The following KMT2B variants were observed in gnomAD, a reference collection of about 807,000 sequenced individuals.
The protein encoded by KMT2B is histone-lysine N-methyltransferase 2B.
KMT2B carries 22 observed loss-of-function variants against 255.3 expected under a neutral mutation model. That is an observed-to-expected ratio of 0.09 (90% CI 0.06 to 0.12). The LOEUF (loss-of-function observed/expected upper bound fraction) is 0.12. Ranked by LOEUF, KMT2B falls within the 10% of genes least tolerant of loss-of-function variation. KMT2B has a pLI of 1.00. For missense variants in KMT2B, 3,149 were observed against 3,737.0 expected, an observed-to-expected ratio of 0.84 and a Z score of 4.10; for synonymous variants, 1,730 against 1,498.1, an observed-to-expected ratio of 1.15 and a Z score of -3.57.
Position 35,725,872 on chromosome 19 carries a change from C to G in KMT2B, c.3885+54C>G. On this transcript the variant is annotated intron_variant, in intron 13 of 36. Transcript: ENST00000420124. The surrounding 1 kb of genome is among the most constrained non-coding windows in gnomAD (Gnocchi z 4.1). Reference sequence around the variant, plus strand: ...TGTCTCTAATGAATATCACCACCACCCCCAAACTTGCTCTAGGCTGGGGCT... The same window carrying G: ...TGTCTCTAATGAATATCACCACCACGCCCAAACTTGCTCTAGGCTGGGGCT... The G allele has an allele frequency of 7.0e-7, 1 of 1,435,424 alleles. No individual in the cohort carries two copies. The highest frequency in any genetic ancestry group is 9.6e-7 in the Non-Finnish European group (1 of 1,042,090). 88.9% of individuals were successfully genotyped at this position (1,435,424 alleles called of 1,614,324 possible).
At position 35,733,590 on chromosome 19, in the gene KMT2B, C is replaced by G; in HGVS notation, c.6960-7C>G. The G allele has an allele frequency of 6.4e-7, 1 of 1,569,696 alleles. No homozygotes were observed. The highest frequency in any genetic ancestry group is 1.2e-5 in the South Asian group (1 of 85,394). ...GCGGCTCATCCTTCTCGGGCTCGCC[C>G]TCCCAGGTTTAGCCGTGTGAGGATG... On this transcript the variant is annotated splice_region_variant and splice_polypyrimidine_tract_variant and intron_variant, in intron 28 of 36. Coordinates refer to ENST00000420124, the MANE Select transcript of KMT2B (RefSeq NM_014727.3). The surrounding 1 kb of genome is among the most constrained non-coding windows in gnomAD (Gnocchi z 4.3).
chr19:35,718,493 GGA>G lies in KMT2B; in HGVS notation c.363+117_363+118del, dbSNP rs1969048001. 1.9e-5 allele frequency: 22 copies of G among 1,140,734 alleles called. No individual in the cohort carries two copies. Among genetic ancestry groups the G allele is most frequent in the Non-Finnish European group, 2.4e-5 (22 of 912,266 alleles). The allele number at this position is 1,140,734 out of a possible 1,614,324, so 70.7% of individuals were successfully genotyped here. A position where few individuals can be genotyped will look rare whatever the true frequency, so the allele number is the denominator to read the frequency against. ...CAGGCCGGGTCCTCAGGGTTCCTTCGGAGAGACGGGGCACGGAGGGAGGGCGG... is the reference window on the plus strand; with the variant it reads ...CAGGCCGGGTCCTCAGGGTTCCTTCGGAGACGGGGCACGGAGGGAGGGCGG... On this transcript the variant is annotated intron_variant, in intron 1 of 36. Transcript: ENST00000420124. This position sits in a 1 kb window ranked among gnomAD's most constrained non-coding sequence, Gnocchi z 5.0.
rs1220469552 is a variant in KMT2B, at chr19:35,737,393, T to C, written c.7550+130T>C. 2 of 1,073,136 alleles carry C rather than the reference T, an allele frequency of 1.9e-6. No homozygotes were observed. Among genetic ancestry groups the C allele is most frequent in the Admixed American group, 5.9e-5 (2 of 33,678 alleles). 66.5% of individuals were successfully genotyped at this position (1,073,136 alleles called of 1,614,324 possible). ...ACTAGGTCACTTGAAGAGTTATTTC[T>C]AGAGTTAGCCAGGCTCCGTGGCTCA... On this transcript the variant is annotated intron_variant, in intron 33 of 36. Coordinates refer to ENST00000420124, the MANE Select transcript of KMT2B (RefSeq NM_014727.3). This position sits in a 1 kb window ranked among gnomAD's most constrained non-coding sequence, Gnocchi z 5.3.
At position 35,733,059 on chromosome 19, in the gene KMT2B, A is replaced by G. The variant is rs781313624; in HGVS notation, c.6510A>G (p.Pro2170=). 6.6e-5 allele frequency: 104 copies of G among 1,578,920 alleles called. No individual in the cohort carries two copies. Among genetic ancestry groups the G allele is most frequent in the Non-Finnish European group, 5.4e-5 (63 of 1,162,768 alleles). ...TRTFAWLPGA[P]GVRVLSLGPA... Reference sequence around the variant, plus strand: ...CATTTGCCTGGCTCCCAGGGGCCCCAGGGGTCCGGGTGTTAAGCCTTGGCC... The same window carrying G: ...CATTTGCCTGGCTCCCAGGGGCCCCGGGGGTCCGGGTGTTAAGCCTTGGCC... Residue 2170 remains proline (P), a synonymous_variant, in exon 28 of 37, where the codon CCA becomes CCG. Coordinates refer to ENST00000420124, the MANE Select transcript of KMT2B (RefSeq NM_014727.3). This position sits in a 1 kb window ranked among gnomAD's most constrained non-coding sequence, Gnocchi z 4.3.
chr19:35,731,649 G>T (rs759522622), intron 26 of KMT2B, among the ~76,000 whole-genome samples: 1 of 152,182 alleles, frequency 6.6e-6, no homozygotes, highest in Non-Finnish European at 1.5e-5. Context: ...TCCCCATGGC[G>T]TGCAAAGCCT....
rs1309509645 is a variant in KMT2B, at chr19:35,727,071, A to G, written c.4004-85A>G. 3.3e-6 allele frequency: 3 copies of G among 903,084 alleles called. No individual in the cohort carries two copies. The highest frequency in any genetic ancestry group is 1.7e-5 in the African/African-American group (1 of 60,200). 55.9% of individuals were successfully genotyped at this position (903,084 alleles called of 1,614,324 possible). A position where few individuals can be genotyped will look rare whatever the true frequency, so the allele number is the denominator to read the frequency against. On this transcript the variant is annotated intron_variant, in intron 14 of 36. Coordinates refer to ENST00000420124, the MANE Select transcript of KMT2B (RefSeq NM_014727.3). This position sits in a 1 kb window ranked among gnomAD's most constrained non-coding sequence, Gnocchi z 4.2. ...AAACAGGGGCATAGTGGAGGCAGCTAAGGTACTGCTAATCCTTGAACAGAG... is the reference window on the plus strand; with the variant it reads ...AAACAGGGGCATAGTGGAGGCAGCTGAGGTACTGCTAATCCTTGAACAGAG...
chr19:35,727,953 G>C lies in KMT2B; in HGVS notation c.4465G>C (p.Ala1489Pro), dbSNP rs760365479. Residue 1489 changes from alanine to proline, a missense_variant, in exon 18 of 37, where the codon GCT becomes CCT. By Grantham distance (27) the Ala-to-Pro change is conservative (BLOSUM62 -1). Transcript: ENST00000420124. The surrounding 1 kb of genome is among the most constrained non-coding windows in gnomAD (Gnocchi z 4.2). ...SEEGETPDRR[A>P]GGQMKGLLLK... The stretch of plus-strand genomic sequence containing the variant: ...GGAGGGAGAGACCCCGGACCGCCGG[G>C]CTGGAGGCCAGATGAAGGGGCTCCT... 1 of 1,584,294 alleles carries C rather than the reference G, an allele frequency of 6.3e-7. No homozygotes were observed. The highest frequency in any genetic ancestry group is 1.1e-5 in the South Asian group (1 of 87,546).
intron 30 of KMT2B, 147 bp downstream of exon 30, chr19:35,734,019 G>C: frequency 1.6e-6 from 1 of 617,602 alleles, no homozygotes; most frequent in Admixed American, 3.0e-5. Flanking sequence ...AGATGACCTT[G>C]GGGAGCCTCT....
At position 35,725,177 on chromosome 19, in the gene KMT2B, T is replaced by A. The variant is rs944795160; in HGVS notation, c.3529-43T>A. ...CGAGAAGCCAGGTGGGTCTGCCTTG[T>A]ATGCCTGGCGGCCCTCTGATCCTGC... is the stretch of plus-strand genomic sequence containing the variant. On this transcript the variant is annotated intron_variant, in intron 10 of 36. Coordinates refer to ENST00000420124, the MANE Select transcript of KMT2B (RefSeq NM_014727.3). The surrounding 1 kb of genome is among the most constrained non-coding windows in gnomAD (Gnocchi z 4.1). The A allele has an allele frequency of 6.3e-7, 1 of 1,593,752 alleles. No homozygotes were observed. Among genetic ancestry groups the A allele is most frequent in the Non-Finnish European group, 8.6e-7 (1 of 1,162,186 alleles).
chr19:35,738,580 C>A lies in KMT2B; in HGVS notation c.*23C>A. Reference sequence around the variant, plus strand: ...TGAGGCCGTGGCTGCCCACCACGACCCCTCACACCTCCTGCTGCCGTCGCT... The same window carrying A: ...TGAGGCCGTGGCTGCCCACCACGACACCTCACACCTCCTGCTGCCGTCGCT... On this transcript the variant is annotated 3_prime_UTR_variant, in exon 37 of 37. Coordinates refer to ENST00000420124, the MANE Select transcript of KMT2B (RefSeq NM_014727.3). The surrounding 1 kb of genome is among the most constrained non-coding windows in gnomAD (Gnocchi z 8.7). 1 of 1,603,918 alleles carries A rather than the reference C, an allele frequency of 6.2e-7. No homozygotes were observed. The highest frequency in any genetic ancestry group is 8.5e-7 in the Non-Finnish European group (1 of 1,173,196).
Position 35,722,483 on chromosome 19 carries a change from G to C in KMT2B, c.2571+11G>C. 2 of 1,605,816 alleles carry C rather than the reference G, an allele frequency of 1.2e-6. No homozygotes were observed. Among genetic ancestry groups the C allele is most frequent in the African/African-American group, 1.3e-5 (1 of 75,056 alleles). ...AGAGAGCGGCCCTCAGTATGCATCG[G>C]GAGGAGGGCCCTGAAGAAGACTGGC... On this transcript the variant is annotated intron_variant, in intron 4 of 36. Transcript: ENST00000420124.
intron 2 of KMT2B, 101 bp from the exon 3 acceptor site, chr19:35,719,683 G>C: frequency 6.6e-7 from 1 of 1,522,324 alleles, no homozygotes; most frequent in Non-Finnish European, 8.9e-7. Flanking sequence ...TGGGCAGCGG[G>C]GGAAACACAC....
chr19:35,724,861 C>A, intron 9 of KMT2B, 128 bp from the exon 10 acceptor site: 1 of 1,062,522 alleles, frequency 9.4e-7, no homozygotes, highest in Non-Finnish European at 1.4e-6. Context: ...GCGGGCCTTG[C>A]CTGTCTGGAA....
At position 35,732,949 on chromosome 19, in the gene KMT2B, G is replaced by A; in HGVS notation, c.6400G>A (p.Glu2134Lys). 2 of 1,607,190 alleles carry A rather than the reference G, an allele frequency of 1.2e-6. No homozygotes were observed. Among genetic ancestry groups the A allele is most frequent in the Non-Finnish European group, 8.5e-7 (1 of 1,177,520 alleles). Residue 2134 changes from glutamate (E) to lysine (K), a missense_variant, in exon 28 of 37, where the codon GAG (glutamate) becomes AAG (lysine). This residue lies in a region of KMT2B where 897 missense variants were observed against 825.3 expected (regional missense o/e 1.09). Coordinates refer to ENST00000420124, the MANE Select transcript of KMT2B (RefSeq NM_014727.3). ...GGATGGAGGTGCTGGCCCTAGAGAGGAGTCACTCCCCCCGGCGCCTCCCCT... is the reference window on the plus strand; with the variant it reads ...GGATGGAGGTGCTGGCCCTAGAGAGAAGTCACTCCCCCCGGCGCCTCCCCT... ...PGDGGAGPRE[E>K]SLPPAPPLAN...
At position 35,723,413 on chromosome 19, in the gene KMT2B, C is replaced by A. The variant is rs1343094365; in HGVS notation, c.3003-34C>A. 2 of 1,557,168 alleles carry A rather than the reference C, an allele frequency of 1.3e-6. No individual in the cohort carries two copies. The highest frequency in any genetic ancestry group is 1.7e-6 in the Non-Finnish European group (2 of 1,148,944). ...CCTCTCTTCCCCCAGACCACCAGTC[C>A]CCTACCCTGGTGACGTGCTGCTCCC... On this transcript the variant is annotated intron_variant, in intron 6 of 36. Transcript: ENST00000420124. The surrounding 1 kb of genome is among the most constrained non-coding windows in gnomAD (Gnocchi z 7.5).
At position 35,725,347 on chromosome 19, in the gene KMT2B, C is replaced by T; in HGVS notation, c.3642+14C>T. The T allele has an allele frequency of 6.4e-7, 1 of 1,557,196 alleles. No homozygotes were observed. Among genetic ancestry groups the T allele is most frequent in the Non-Finnish European group, 8.7e-7 (1 of 1,151,694 alleles). ...GGACTCCACGAGGTTAGATCTCTGC[C>T]TTTCTTCACAGACCCCCAGCTCTCT... On this transcript the variant is annotated intron_variant, in intron 11 of 36. Coordinates refer to ENST00000420124, the MANE Select transcript of KMT2B (RefSeq NM_014727.3). This position sits in a 1 kb window ranked among gnomAD's most constrained non-coding sequence, Gnocchi z 4.1.
At position 35,729,230 on chromosome 19, in the gene KMT2B, A is replaced by G; in HGVS notation, c.4851A>G (p.Glu1617=). 2 of 1,609,926 alleles carry G rather than the reference A, an allele frequency of 1.2e-6. No individual in the cohort carries two copies. The highest frequency in any genetic ancestry group is 1.1e-5 in the South Asian group (1 of 90,302). Residue 1617 remains glutamate (E), a synonymous_variant, in exon 22 of 37, where the codon GAA becomes GAG. Coordinates refer to ENST00000420124, the MANE Select transcript of KMT2B (RefSeq NM_014727.3). ...THVNCAIWSA[E]VFEENDGSLK... is the part of the protein sequence containing the mutation. ...TCAACTGTGCCATCTGGTCGGCGGA[A>G]GTCTTCGAGGAGAACGACGGCTCCC...
At position 35,718,066 on chromosome 19, in the gene KMT2B, G is replaced by T; in HGVS notation, c.48G>T (p.Ala16=). 1.0e-6 allele frequency: 1 copy of T among 987,092 alleles called. No homozygotes were observed. Among genetic ancestry groups the T allele is most frequent in the Non-Finnish European group, 1.2e-6 (1 of 832,412 alleles). The allele number at this position is 987,092 out of a possible 1,614,324, so 61.1% of individuals were successfully genotyped here. The change falls in exon 1 of 37, where the codon GCG becomes GCT. Residue 16 remains alanine (A), a synonymous_variant. Coordinates refer to ENST00000420124, the MANE Select transcript of KMT2B (RefSeq NM_014727.3). The surrounding 1 kb of genome is among the most constrained non-coding windows in gnomAD (Gnocchi z 5.0). ...GCAGTTGCCCCGGGCCTGGCTCCGCGCGGGGCCGCTTCCCGGGCCGGCCGC... is the reference window on the plus strand; with the variant it reads ...GCAGTTGCCCCGGGCCTGGCTCCGCTCGGGGCCGCTTCCCGGGCCGGCCGC... ...GGGSCPGPGS[A]RGRFPGRPRG... is the part of the protein sequence containing the mutation.
In KMT2B at chr19:35,722,356, C is replaced by T; in HGVS notation, c.2458-3C>T. ...GCCCCTGACCCTGTTTATTCCCTGC[C>T]AGCTGAGCCCTGGAGGGCAGATGGA... On this transcript the variant is annotated splice_region_variant and splice_polypyrimidine_tract_variant and intron_variant, in intron 3 of 36. Transcript: ENST00000420124. 1 of 1,606,460 alleles carries T rather than the reference C, an allele frequency of 6.2e-7. No homozygotes were observed. The highest frequency in any genetic ancestry group is 8.5e-7 in the Non-Finnish European group (1 of 1,178,390).
Sources: allele counts gnomAD v4.1 joint callset (sites outside exome capture counted in the v4.1 genomes callset), GRCh38; gene constraint gnomAD v4.1.1; regional missense constraint gnomAD v4.1.1; non-coding constraint Gnocchi (gnomAD v3.1); transcripts MANE v1.5; gene names NCBI Gene and HGNC (gene_info 2026-07-23, HGNC 2026-07-21).